Variants in ZBTB20 observed in about 807,000 individuals in gnomAD.
ZBTB20 encodes the protein zinc finger and BTB domain containing 20, also known as zinc finger and BTB domain-containing protein 20.
Under a neutral mutation model 56.9 loss-of-function variants are expected in ZBTB20, and 9 were observed. The observed-to-expected ratio is 0.16, with a 90% confidence interval of 0.10 to 0.28. The LOEUF is 0.28. Ranked by LOEUF, ZBTB20 falls within the 10% of genes least tolerant of loss-of-function variation. ZBTB20 has a pLI of 1.00. For missense variants in ZBTB20, 655 were observed against 1,003.0 expected (o/e 0.65, Z 4.69); for synonymous variants, 417 against 420.7 (o/e 0.99, Z 0.11).
Position 114,397,437 on chromosome 3 carries a change from T to A in ZBTB20, c.-254-8332A>T, listed in dbSNP as rs546393162. Among the ~76,000 whole-genome samples the A allele has an allele frequency of 3.3e-5, 5 of 152,312 alleles. No homozygotes were observed. In the South Asian group the frequency reaches 1.0e-3, roughly 32 times the overall value. ...TATTTTATTTCCTCAGGATATATCT[T>A]TTCCCATGTTCCCTTCGTATCTTGA... On this transcript the variant is annotated intron_variant, in intron 7 of 11. Transcript: ENST00000675478.
At chr3:114,547,260 T>C (rs1046986877) in intron 6 of ZBTB20, among the ~76,000 whole-genome samples, 1 of 152,116 alleles carries the variant, frequency 6.6e-6, no homozygotes, top group African/African-American at 2.4e-5. Context: ...TAGAAAATTA[T>C]GTGTGGGAGC....
At position 114,903,276 on chromosome 3, in the gene ZBTB20, T is replaced by C. The variant is rs541234710; in HGVS notation, c.-455-2934A>G. 2.6e-5 allele frequency among the ~76,000 whole-genome samples: 4 copies of C among 152,216 alleles called. No homozygotes were observed. In the South Asian group the frequency reaches 8.3e-4, roughly 32 times the overall value. On this transcript the variant is annotated intron_variant, in intron 3 of 11. Transcript: ENST00000675478. Reference sequence around the variant, plus strand: ...TGATCATGTTACTCACCCTACGAGGTTGTCTATGCAGGTTATATGTTATAG... The same window carrying C: ...TGATCATGTTACTCACCCTACGAGGCTGTCTATGCAGGTTATATGTTATAG...
At chr3:115,121,658 C>G (rs1374766449) in intron 1 of ZBTB20, among the ~76,000 whole-genome samples, 1 of 151,878 alleles carries the variant, frequency 6.6e-6, no homozygotes, top group African/African-American at 2.4e-5. Flanking sequence ...AGAAAAATGG[C>G]AGAGAATGTT....
intron 6 of ZBTB20, among the ~76,000 whole-genome samples, chr3:114,563,608 C>T (rs1213409651): frequency 6.6e-6 from 1 of 152,104 alleles, no homozygotes; most frequent in Non-Finnish European, 1.5e-5. Flanking sequence ...ATAAATTATT[C>T]TCACTCTACA....
At chr3:114,630,964 C>G (rs980992130) in intron 6 of ZBTB20, among the ~76,000 whole-genome samples, 1 of 152,114 alleles carries the variant, frequency 6.6e-6, no homozygotes, top group Non-Finnish European at 1.5e-5. Flanking sequence ...AAACCAACTC[C>G]CTTTGCATAG....
Position 115,085,996 on chromosome 3 carries a change from C to T in ZBTB20, c.-702-14582G>A, listed in dbSNP as rs866042119. On this transcript the variant is annotated intron_variant, in intron 1 of 11. Transcript: ENST00000675478. ...TATAAGAAAAATGTACAAAAACGGG[C>T]GTTGTATTTCTTTCTCTATTTTTTA... Among the ~76,000 whole-genome samples the T allele has an allele frequency of 2.6e-5, 4 of 151,724 alleles. No homozygotes were observed. In the South Asian group the frequency reaches 8.3e-4, roughly 31 times the overall value.
intron 3 of ZBTB20, chr3:114,931,367 A>G: frequency 4.1e-6 from 1 of 242,434 alleles, no homozygotes; most frequent in Non-Finnish European, 8.3e-6. Context: ...AGACTCCCAG[A>G]AAACCCTAAA....
chr3:114,352,051 C>G lies in ZBTB20; in HGVS notation c.200-173G>C. The G allele has an allele frequency of 4.7e-6, 4 of 843,864 alleles. No individual in the cohort carries two copies. In the South Asian group the frequency reaches 6.0e-5, roughly 13 times the overall value. 52.3% of individuals were successfully genotyped at this position (843,864 alleles called of 1,614,324 possible). On this transcript the variant is annotated intron_variant, in intron 10 of 11. Coordinates refer to ENST00000675478, the MANE Select transcript of ZBTB20 (RefSeq NM_001348800.3). Reference sequence around the variant, plus strand: ...GCATACAAGCTGTAGGTACGATGACCTGAGGGAAAAGGACCTTGAATTTTG... The same window carrying G: ...GCATACAAGCTGTAGGTACGATGACGTGAGGGAAAAGGACCTTGAATTTTG...
At chr3:114,826,702 T>A (rs1379706986) in intron 4 of ZBTB20, among the ~76,000 whole-genome samples, 3 of 151,728 alleles carry the variant, frequency 2.0e-5, no homozygotes, top group African/African-American at 7.2e-5. Flanking sequence ...AAGCATTATG[T>A]TTTTTACTTC....
In ZBTB20 at chr3:114,829,611, A is replaced by C. The variant is rs932432049; in HGVS notation, c.-416-28437T>G. ...TTTTTCTATTGGAGAGAATGAAACA[A>C]AGTAATTTCACACCTGGTTTTATGA... On this transcript the variant is annotated intron_variant, in intron 4 of 11. Transcript: ENST00000675478. 4.0e-5 allele frequency among the ~76,000 whole-genome samples: 6 copies of C among 151,888 alleles called. 1 individual carries two copies. The highest frequency in any genetic ancestry group is 5.9e-5 in the Non-Finnish European group (4 of 67,874).
At chr3:114,778,766 A>G (rs1054305967) in intron 5 of ZBTB20, among the ~76,000 whole-genome samples, 1 of 152,206 alleles carries the variant, frequency 6.6e-6, no homozygotes, top group Admixed American at 6.5e-5. Context: ...TAGTCCAATG[A>G]CAGAACATGT....
At chr3:115,026,521 C>G (rs2080431862) in intron 2 of ZBTB20, among the ~76,000 whole-genome samples, 1 of 150,908 alleles carries the variant, frequency 6.6e-6, no homozygotes, top group South Asian at 2.1e-4. Flanking sequence ...CATAGTTTCA[C>G]TTACGTATCT....
At chr3:114,809,437 C>G (rs1215964119) in intron 4 of ZBTB20, among the ~76,000 whole-genome samples, 1 of 152,036 alleles carries the variant, frequency 6.6e-6, no homozygotes, top group Non-Finnish European at 1.5e-5. Flanking sequence ...ATTCTGCCAT[C>G]TTAAATATTC....
In ZBTB20 at chr3:114,649,619, T is replaced by C. The variant is rs181883784; in HGVS notation, c.-295+43909A>G. ...AGAGAGAGAAATTCCACATGTGTCATAGGAATAGAATTTATTTGATCTCAA... is the reference window on the plus strand; with the variant it reads ...AGAGAGAGAAATTCCACATGTGTCACAGGAATAGAATTTATTTGATCTCAA... On this transcript the variant is annotated intron_variant, in intron 6 of 11. Coordinates refer to ENST00000675478, the MANE Select transcript of ZBTB20 (RefSeq NM_001348800.3). Among the ~76,000 whole-genome samples the C allele has an allele frequency of 7.2e-5, 11 of 152,036 alleles. No homozygotes were observed. The East Asian group carries it at 1.7e-3, about 24-fold the overall frequency.
chr3:114,803,288 T>A (rs965529646), intron 4 of ZBTB20, among the ~76,000 whole-genome samples: 1 of 151,560 alleles, frequency 6.6e-6, no homozygotes, highest in African/African-American at 2.4e-5. Flanking sequence ...ATTGAAAAAA[T>A]AGAGACTCAA....
chr3:115,083,262 T>C (rs183941765), intron 1 of ZBTB20, among the ~76,000 whole-genome samples: 1 of 152,194 alleles, frequency 6.6e-6, no homozygotes, highest in African/African-American at 2.4e-5. Flanking sequence ...CCATTGATCA[T>C]CGCATCCACA....
intron 7 of ZBTB20, among the ~76,000 whole-genome samples, chr3:114,483,985 A>AT (rs1422650050): frequency 6.6e-6 from 1 of 151,990 alleles, no homozygotes; most frequent in East Asian, 2.0e-4. Flanking sequence ...AAGTCATTCC[A>AT]TTTTCCAAAG....
intron 6 of ZBTB20, among the ~76,000 whole-genome samples, chr3:114,521,562 C>A (rs2046639283): frequency 6.6e-6 from 1 of 152,092 alleles, no homozygotes; most frequent in Admixed American, 6.6e-5. Context: ...CCCATTGCAC[C>A]ACATTAGCTC....
chr3:114,652,172 G>GTGCTTTAATAAATATTCACTATGAATA (rs2060171508), intron 6 of ZBTB20, among the ~76,000 whole-genome samples: 1 of 151,964 alleles, frequency 6.6e-6, no homozygotes, highest in South Asian at 2.1e-4. Flanking sequence ...GACATAGAAA[G>GTGCTTTAATAAATATTCACTATGAATA]TTCCTTTGTG....
Sources: allele counts gnomAD v4.1 joint callset (sites outside exome capture counted in the v4.1 genomes callset), GRCh38; gene constraint gnomAD v4.1.1; transcripts MANE v1.5; gene names NCBI Gene and HGNC (gene_info 2026-07-23, HGNC 2026-07-21).